The following PLXNC1 variants were observed in gnomAD, a reference collection of about 807,000 sequenced individuals.
The protein encoded by PLXNC1 is plexin C1.
Under a neutral mutation model 178.2 loss-of-function variants are expected in PLXNC1, and 75 were observed. That is an observed-to-expected ratio of 0.42 (90% CI 0.35 to 0.51). The LOEUF (loss-of-function observed/expected upper bound fraction) is 0.51. Ranked by LOEUF, PLXNC1 falls within the 20% of genes least tolerant of loss-of-function variation. The pLI is 0.02. For synonymous variants in PLXNC1, 790 were observed against 779.9 expected (o/e 1.01, Z -0.22); for missense variants, 1,503 against 1,984.4 (o/e 0.76, Z 4.61).
rs1025546815 is a variant in PLXNC1 at position 94,169,162 on chromosome 12, G to A, written c.1072G>A (p.Asp358Asn). 2.5e-6 allele frequency: 4 copies of A among 1,613,464 alleles called. No homozygotes were observed. The highest frequency in any genetic ancestry group is 2.5e-6 in the Non-Finnish European group (3 of 1,179,728). Residue 358 changes from aspartate (D) to asparagine (N), a missense_variant, in exon 2 of 31, where the codon GAT (aspartate) becomes AAT (asparagine). Transcript: ENST00000258526. ...TTGTGTGCATGTTCAGAAAGAAGGG[G>A]ATCAACCTGAAAGAGTCCAACCAAT... The part of the protein sequence containing the change: ...KTAESHCKEG[D>N]QPERVQPIAS...
chr12:94,288,907 CTCA>C (rs1258179324), intron 23 of PLXNC1, among the ~76,000 whole-genome samples: 3 of 152,166 alleles, frequency 2.0e-5, no homozygotes, highest in African/African-American at 7.2e-5. Flanking sequence ...TGATTTGATT[CTCA>C]TGTTTTCAGA....
intron 9 of PLXNC1, among the ~76,000 whole-genome samples, chr12:94,236,139 C>T (rs1478970827): frequency 1.3e-5 from 2 of 152,200 alleles, no homozygotes; most frequent in East Asian, 3.8e-4. Flanking sequence ...CCCTTTCAGG[C>T]CCTTAGTGAT....
chr12:94,201,835 C>T (rs1474244191), intron 4 of PLXNC1, among the ~76,000 whole-genome samples: 2 of 131,754 alleles, frequency 1.5e-5, no homozygotes, highest in African/African-American at 2.8e-5. Context: ...GTGGCATGAT[C>T]TCGACTCACT....
In PLXNC1 at chr12:94,175,169, GTGTGTGTGAGCT is replaced by G. The variant is rs747679429; in HGVS notation, c.1203+5885_1203+5896del. Among the ~76,000 whole-genome samples the G allele has an allele frequency of 8.5e-4, 130 of 152,308 alleles. 1 individual carries two copies. The Middle Eastern group carries it at 0.01, about 12-fold the overall frequency. Reference sequence around the variant, plus strand: ...TGTATGCAGGCATGCACGTGCATATGTGTGTGTGAGCTTGTGTGTGTGTATGTGTGGTTTAAG... The same window carrying G: ...TGTATGCAGGCATGCACGTGCATATGTGTGTGTGTGTATGTGTGGTTTAAG... On this transcript the variant is annotated intron_variant, in intron 2 of 30. Coordinates refer to ENST00000258526, the MANE Select transcript of PLXNC1 (RefSeq NM_005761.3).
chr12:94,283,367 G>GA (rs1392393617), intron 23 of PLXNC1, among the ~76,000 whole-genome samples: 6 of 152,188 alleles, frequency 3.9e-5, no homozygotes, highest in Admixed American at 3.9e-4. Flanking sequence ...GGGCAATGGA[G>GA]AGGGGGAAGG....
In PLXNC1 at chr12:94,285,972, T is replaced by C. The variant is rs572451078; in HGVS notation, c.3879+3571T>C. Among the ~76,000 whole-genome samples, 69 of 152,236 alleles carry C rather than the reference T, an allele frequency of 4.5e-4. 1 individual carries two copies. The South Asian group carries it at 0.013, about 29-fold the overall frequency. ...GGATGGGGCTACCCACTGCCATTAA[T>C]AGGAGGAGGCAGGGCAAGTCTCTCC... On this transcript the variant is annotated intron_variant, in intron 23 of 30. Transcript: ENST00000258526.
At chr12:94,235,156 G>A (rs1421751018) in intron 9 of PLXNC1, among the ~76,000 whole-genome samples, 1 of 152,028 alleles carries the variant, frequency 6.6e-6, no homozygotes, top group East Asian at 1.9e-4. Flanking sequence ...GACAGGCCAG[G>A]GCTGGATTCC....
intron 15 of PLXNC1, among the ~76,000 whole-genome samples, chr12:94,252,067 G>T (rs1964711143): frequency 6.6e-6 from 1 of 152,148 alleles, no homozygotes; most frequent in Admixed American, 6.5e-5. Flanking sequence ...TACACAGATG[G>T]TATCTTGGGA....
intron 2 of PLXNC1, among the ~76,000 whole-genome samples, chr12:94,178,721 A>C (rs917073622): frequency 6.6e-6 from 1 of 152,238 alleles, no homozygotes; most frequent in African/African-American, 2.4e-5. Context: ...TTAGGTAGCT[A>C]GTGAACACTT....
chr12:94,162,748 G>A (rs931178033), intron 1 of PLXNC1, among the ~76,000 whole-genome samples: 3 of 152,148 alleles, frequency 2.0e-5, no homozygotes, highest in Non-Finnish European at 4.4e-5. Context: ...AGGGTGATTA[G>A]TGGTGCTGTT....
chr12:94,193,508 A>G (rs1962799388), intron 4 of PLXNC1, among the ~76,000 whole-genome samples: 1 of 152,236 alleles, frequency 6.6e-6, no homozygotes, highest in African/African-American at 2.4e-5. Context: ...CAAGGTGGCC[A>G]CTGTTTTTCT....
intron 1 of PLXNC1, among the ~76,000 whole-genome samples, chr12:94,156,217 A>G (rs1340235898): frequency 6.6e-6 from 1 of 152,228 alleles, no homozygotes; most frequent in African/African-American, 2.4e-5. Context: ...GTTTACTATC[A>G]TCACCATCAT....
intron 14 of PLXNC1, among the ~76,000 whole-genome samples, chr12:94,249,177 A>T (rs879593511): frequency 1.2e-4 from 18 of 152,176 alleles, no homozygotes; most frequent in Non-Finnish European, 2.4e-4. Context: ...TAGGTAAATC[A>T]CTTGAGTTTC....
At chr12:94,256,609 G>A (rs956021791) in intron 17 of PLXNC1, among the ~76,000 whole-genome samples, 2 of 152,072 alleles carry the variant, frequency 1.3e-5, no homozygotes, top group Non-Finnish European at 2.9e-5. Flanking sequence ...GTTGCATCAC[G>A]AGTCCTATTT....
intron 27 of PLXNC1, among the ~76,000 whole-genome samples, chr12:94,299,745 A>AGAT (rs1968281351): frequency 1.3e-5 from 2 of 152,186 alleles, no homozygotes; most frequent in Admixed American, 1.3e-4. Flanking sequence ...ACTTTTTGTG[A>AGAT]GATGAGGTCT....
At chr12:94,222,767 T>A (rs1171341726) in intron 6 of PLXNC1, among the ~76,000 whole-genome samples, 1 of 152,152 alleles carries the variant, frequency 6.6e-6, no homozygotes, top group Non-Finnish European at 1.5e-5. Flanking sequence ...ACTTATAGAT[T>A]CCACTGGAGT....
intron 4 of PLXNC1, among the ~76,000 whole-genome samples, chr12:94,198,740 T>C (rs537521747): frequency 6.6e-6 from 1 of 152,224 alleles, no homozygotes; most frequent in South Asian, 2.1e-4. Flanking sequence ...TGGCTTGGGG[T>C]AGGATAACCA....
intron 14 of PLXNC1, among the ~76,000 whole-genome samples, chr12:94,251,032 C>T (rs1286231308): frequency 6.6e-6 from 1 of 152,086 alleles, no homozygotes; most frequent in African/African-American, 2.4e-5. Context: ...AAAACAAAAA[C>T]AAAATAAGCC....
chr12:94,265,135 C>T lies in PLXNC1; in HGVS notation c.3507C>T (p.Asn1169=). The change falls in exon 21 of 31, where the codon AAC becomes AAT. Residue 1169 remains asparagine (N), a synonymous_variant. Coordinates refer to ENST00000258526, the MANE Select transcript of PLXNC1 (RefSeq NM_005761.3). ...LLVTTLNQKI[N]KGPVDVITCK... Reference sequence around the variant, plus strand: ...TGACGACTCTGAACCAGAAAATTAACAAGGGTCCCGTGGATGTAATCACTT... The same window carrying T: ...TGACGACTCTGAACCAGAAAATTAATAAGGGTCCCGTGGATGTAATCACTT... 2 of 1,614,070 alleles carry T rather than the reference C, an allele frequency of 1.2e-6. No homozygotes were observed. Among genetic ancestry groups the T allele is most frequent in the African/African-American group, 1.3e-5 (1 of 75,026 alleles).
Sources: gnomAD v4.1 joint callset for allele counts (sites outside exome capture counted in the v4.1 genomes callset) on GRCh38, gnomAD v4.1.1 for gene constraint, MANE v1.5 for transcripts, NCBI Gene and HGNC (gene_info 2026-07-23, HGNC 2026-07-21) for gene names.